TMCO1: variants seen among roughly 807,000 people sequenced by gnomAD.
TMCO1 encodes the protein calcium load-activated calcium channel.
A neutral mutation model predicts 29.3 loss-of-function variants in TMCO1; 29 were observed. The observed-to-expected ratio is 0.99, with a 90% CI of 0.74 to 1.35. The LOEUF is 1.35. Among genes scored for constraint, TMCO1 ranks in the 40% most tolerant of loss-of-function variants. The pLI is 0.00. For synonymous variants in TMCO1, 80 were observed against 77.1 expected, an observed-to-expected ratio of 1.04 and a Z score of -0.20; for missense variants, 173 against 225.5, an observed-to-expected ratio of 0.77 and a Z score of 1.49.
chr1:165,740,357 C>T lies in TMCO1; in HGVS notation c.468+2810G>A, dbSNP rs530739300. Reference sequence around the variant, plus strand: ...CTGGGACTACGGGTGACCACCACCACGCCCAGCTAATTTTCTTTGTATTTT... The same window carrying T: ...CTGGGACTACGGGTGACCACCACCATGCCCAGCTAATTTTCTTTGTATTTT... On this transcript the variant is annotated intron_variant, in intron 6 of 6. Coordinates refer to ENST00000367881, the MANE Select transcript of TMCO1 (RefSeq NM_019026.6). Among the ~76,000 whole-genome samples the T allele has an allele frequency of 9.2e-5, 14 of 151,850 alleles. No individual in the cohort carries two copies. The South Asian group carries it at 2.1e-3, about 23-fold the overall frequency.
chr1:165,752,024 A>C, intron 5 of TMCO1, 78 bp downstream of exon 5: 1 of 1,151,756 alleles, frequency 8.7e-7, no homozygotes. Context: ...AAAATATTTT[A>C]CCCAAAAAGT....
At chr1:165,759,449 T>C (rs1036044015) in intron 3 of TMCO1, 76 bp downstream of exon 3, 1 of 1,053,528 alleles carries the variant, frequency 9.5e-7, no homozygotes, top group African/African-American at 1.6e-5. Context: ...CTATTAATAA[T>C]TTTATATTTT....
At chr1:165,730,803 A>G (rs1651130748) in intron 6 of TMCO1, among the ~76,000 whole-genome samples, 1 of 151,902 alleles carries the variant, frequency 6.6e-6, no homozygotes, top group South Asian at 2.1e-4. Flanking sequence ...CATGTTGGCC[A>G]CGCTGGTCTC....
intron 5 of TMCO1, among the ~76,000 whole-genome samples, chr1:165,745,948 GT>G (rs1651779590): frequency 6.6e-6 from 1 of 152,102 alleles, no homozygotes; most frequent in South Asian, 2.1e-4. Flanking sequence ...GTTTGCCAGT[GT>G]TCTGAATAAG....
intron 6 of TMCO1, among the ~76,000 whole-genome samples, chr1:165,741,556 T>C (rs1434515410): frequency 6.6e-6 from 1 of 152,184 alleles, no homozygotes; most frequent in Admixed American, 6.5e-5. Context: ...CAAGCCAGAA[T>C]GGGCAAAGTG....
intron 5 of TMCO1, among the ~76,000 whole-genome samples, chr1:165,748,351 A>G (rs1420015308): frequency 6.6e-6 from 1 of 152,178 alleles, no homozygotes; most frequent in Admixed American, 6.5e-5. Flanking sequence ...TGTGATACCA[A>G]GCAAAAAGTA....
intron 6 of TMCO1, among the ~76,000 whole-genome samples, chr1:165,728,795 T>C (rs1571206889): frequency 6.6e-6 from 1 of 152,170 alleles, no homozygotes; most frequent in East Asian, 1.9e-4. Context: ...ATTACTGCAC[T>C]GTCTATAATT....
intron 4 of TMCO1, 82 bp from the exon 5 acceptor site, chr1:165,752,251 C>CTTTTTTTTTTTTTTT (rs1558038157): frequency 3.3e-6 from 2 of 608,126 alleles, no homozygotes; most frequent in Non-Finnish European, 2.7e-6. Context: ...GGTTTCATGT[C>CTTTTTTTTTTTTTTT]ATTTTTTTTT....
chr1:165,754,173 T>A, intron 4 of TMCO1, 55 bp downstream of exon 4: 4 of 1,463,782 alleles, frequency 2.7e-6, no homozygotes, highest in Non-Finnish European at 3.8e-6. Context: ...TGTAAATCAG[T>A]CTTTTGCTAA....
intron 5 of TMCO1, among the ~76,000 whole-genome samples, chr1:165,748,944 C>CT (rs1289811459): frequency 2.6e-5 from 4 of 152,142 alleles, no homozygotes; most frequent in Non-Finnish European, 5.9e-5. Flanking sequence ...AGTATACAGC[C>CT]TTTTTGGAAG....
At chr1:165,756,244 T>TC (rs1652187794) in intron 3 of TMCO1, among the ~76,000 whole-genome samples, 2 of 152,234 alleles carry the variant, frequency 1.3e-5, no homozygotes, top group African/African-American at 4.8e-5. Context: ...GAGCAGATAT[T>TC]CCTAAGGGGT....
intron 2 of TMCO1, among the ~76,000 whole-genome samples, chr1:165,764,173 C>T (rs141906739): frequency 1.3e-5 from 2 of 152,276 alleles, no homozygotes; most frequent in Non-Finnish European, 2.9e-5. Context: ...TACAGGGATG[C>T]CATTGCATGC....
At position 165,760,292 on chromosome 1, in the gene TMCO1, G is replaced by C. The variant is rs896000351; in HGVS notation, c.149-708C>G. On this transcript the variant is annotated intron_variant, in intron 2 of 6. Coordinates refer to ENST00000367881, the MANE Select transcript of TMCO1 (RefSeq NM_019026.6). ...AAAAACATACAAAAATTAGCTGGGC[G>C]TAGTGGCATATGCCTATAATTCCAG... Among the ~76,000 whole-genome samples, 10 of 152,148 alleles carry C rather than the reference G, an allele frequency of 6.6e-5. No homozygotes were observed. The South Asian group carries it at 8.3e-4, about 13-fold the overall frequency.
intron 6 of TMCO1, among the ~76,000 whole-genome samples, chr1:165,729,431 C>T (rs1340806100): frequency 6.6e-6 from 1 of 151,844 alleles, no homozygotes; most frequent in Admixed American, 6.6e-5. Context: ...TTCTGCCTGC[C>T]TCAGCCTCCT....
intron 3 of TMCO1, among the ~76,000 whole-genome samples, chr1:165,755,345 T>C (rs563520923): frequency 5.3e-5 from 8 of 152,172 alleles, no homozygotes; most frequent in African/African-American, 4.8e-5. Context: ...GCCCCAAATA[T>C]ATTAAATTTC....
intron 3 of TMCO1, among the ~76,000 whole-genome samples, chr1:165,757,338 A>G (rs1652231186): frequency 6.6e-6 from 1 of 152,224 alleles, no homozygotes; most frequent in Admixed American, 6.5e-5. Context: ...ATGAAGTCCA[A>G]AATAATCCAG....
At chr1:165,768,443 A>T in intron 1 of TMCO1, 174 bp from the exon 2 acceptor site, 1 of 1,519,096 alleles carries the variant, frequency 6.6e-7, no homozygotes, top group Non-Finnish European at 8.9e-7. Flanking sequence ...CAGTAACATG[A>T]TGTGAAGGTG....
Position 165,752,118 on chromosome 1 carries a change from C to T in TMCO1, c.307G>A (p.Gly103Arg), listed in dbSNP as rs1366520384. 1 of 1,612,960 alleles carries T rather than the reference C, an allele frequency of 6.2e-7. No homozygotes were observed. The highest frequency in any genetic ancestry group is 8.5e-7 in the Non-Finnish European group (1 of 1,179,302). Residue 103 changes from glycine (G) to arginine (R), a missense_variant, in exon 5 of 7, where the codon GGA (glycine) becomes AGA (arginine). By Grantham distance (125) the Gly-to-Arg change is moderately radical. Coordinates refer to ENST00000367881, the MANE Select transcript of TMCO1 (RefSeq NM_019026.6). Reference protein sequence around the residue: ...AIGFCFTALMGMFNSIFDGRV... With the variant: ...AIGFCFTALMRMFNSIFDGRV... ...GACACTCACATGGAATTGAACATTCCCATTAGGGCAGTAAAACAAAAGCCA... is the reference window on the plus strand; with the variant it reads ...GACACTCACATGGAATTGAACATTCTCATTAGGGCAGTAAAACAAAAGCCA...
At chr1:165,740,683 C>T (rs536211079) in intron 6 of TMCO1, among the ~76,000 whole-genome samples, 9 of 152,258 alleles carry the variant, frequency 5.9e-5, no homozygotes, top group Admixed American at 2.6e-4. Context: ...AATGTGTCCC[C>T]GAAAAGTTCA....
Sources: allele counts gnomAD v4.1 joint callset (sites outside exome capture counted in the v4.1 genomes callset), GRCh38; gene constraint gnomAD v4.1.1; transcripts MANE v1.5; gene names NCBI Gene and HGNC (gene_info 2026-07-23, HGNC 2026-07-21).